GPHN: variants seen among roughly 807,000 people sequenced by gnomAD.
GPHN encodes the protein gephyrin.
In GPHN, 17 loss-of-function variants were observed where a neutral mutation model predicts 95.5. The observed-to-expected ratio is 0.18, with a 90% confidence interval of 0.12 to 0.27. The LOEUF is 0.27. Ranked by LOEUF, GPHN falls within the 10% of genes least tolerant of loss-of-function variation. GPHN has a pLI of 1.00. For synonymous variants in GPHN, 320 were observed against 322.5 expected (o/e 0.99, Z 0.08); for missense variants, 660 against 978.1 (o/e 0.67, Z 4.34).
intron 6 of GPHN, among the ~76,000 whole-genome samples, chr14:66,916,761 T>C (rs555401254): frequency 7.7e-4 from 117 of 152,304 alleles, no homozygotes; most frequent in African/African-American, 2.6e-3. Context: ...CTCCAACTAG[T>C]TAAGGGCAAC....
At chr14:67,298,246 T>G in the GPHN span, among the ~76,000 whole-genome samples, 6 of 152,054 alleles carry the variant, frequency 3.9e-5, no homozygotes, top group Non-Finnish European at 7.3e-5. Context: ...TTTTAGTAAT[T>G]TATTAGTATC....
the GPHN span, among the ~76,000 whole-genome samples, chr14:67,502,698 C>T: frequency 6.6e-6 from 1 of 151,998 alleles, no homozygotes; most frequent in South Asian, 2.1e-4. Context: ...GTGATCCACC[C>T]ACCATGGCCT....
chr14:66,692,430 A>G (rs1197391192), intron 2 of GPHN, among the ~76,000 whole-genome samples: 8 of 152,112 alleles, frequency 5.3e-5, no homozygotes, highest in Non-Finnish European at 4.4e-5. Context: ...ATGCTGAGTA[A>G]TTTGAAATTC....
At chr14:67,524,874 A>C in the GPHN span, among the ~76,000 whole-genome samples, 1 of 152,134 alleles carries the variant, frequency 6.6e-6, no homozygotes, top group South Asian at 2.1e-4. Flanking sequence ...CCATTGCCAT[A>C]TCTCTCCCCG....
intron 1 of GPHN, among the ~76,000 whole-genome samples, chr14:66,598,445 T>C (rs1201918597): frequency 6.6e-6 from 1 of 152,146 alleles, no homozygotes; most frequent in East Asian, 1.9e-4. Flanking sequence ...GCCCATAGTT[T>C]TATATTTAGT....
chr14:67,663,515 A>G, the GPHN span, among the ~76,000 whole-genome samples: 1 of 151,914 alleles, frequency 6.6e-6, no homozygotes, highest in African/African-American at 2.4e-5. Flanking sequence ...CTACTAAAAA[A>G]TACAAAAAAT....
At chr14:66,954,275 GTCTT>G (rs1026858838) in intron 8 of GPHN, among the ~76,000 whole-genome samples, 4 of 152,046 alleles carry the variant, frequency 2.6e-5, no homozygotes, top group Admixed American at 1.3e-4. Context: ...TAACACATAT[GTCTT>G]TCTATTTATT....
the GPHN span, among the ~76,000 whole-genome samples, chr14:67,418,132 A>G: frequency 6.6e-6 from 1 of 152,196 alleles, no homozygotes; most frequent in Non-Finnish European, 1.5e-5. Flanking sequence ...CTTAACATCT[A>G]CTATGTAATT....
chr14:66,957,940 A>C (rs117318980), intron 8 of GPHN, among the ~76,000 whole-genome samples: 1,833 of 152,310 alleles, frequency 0.012, 19 homozygotes, highest in Non-Finnish European at 0.018. Context: ...CTAATCCCTG[A>C]TGATCTGAGG....
chr14:67,175,157 C>T (rs1366164968), intron 21 of GPHN, among the ~76,000 whole-genome samples: 1 of 152,176 alleles, frequency 6.6e-6, no homozygotes, highest in Non-Finnish European at 1.5e-5. Flanking sequence ...TTGCCCATGC[C>T]TATGTCCTGA....
chr14:67,455,719 TAATA>T, the GPHN span, among the ~76,000 whole-genome samples: 1 of 152,216 alleles, frequency 6.6e-6, no homozygotes, highest in African/African-American at 2.4e-5. Context: ...TTACCATATA[TAATA>T]AATTGCTAAA....
At chr14:66,696,466 C>T (rs889550908) in intron 2 of GPHN, among the ~76,000 whole-genome samples, 1 of 152,168 alleles carries the variant, frequency 6.6e-6, no homozygotes, top group African/African-American at 2.4e-5. Context: ...GTGTGTGCCT[C>T]ATATATTTTA....
chr14:66,605,943 C>A (rs1412840684), intron 1 of GPHN, among the ~76,000 whole-genome samples: 2 of 152,054 alleles, frequency 1.3e-5, no homozygotes, highest in Non-Finnish European at 2.9e-5. Flanking sequence ...CTCCCATTCT[C>A]TAGGCTGTTT....
chr14:67,695,901 A>C, the GPHN span: 2 of 592,374 alleles, frequency 3.4e-6, no homozygotes, highest in African/African-American at 1.9e-5. Flanking sequence ...GTTGAATTAT[A>C]CATCGCTAAT....
chr14:66,977,217 G>A (rs1049348817), intron 9 of GPHN, among the ~76,000 whole-genome samples: 1 of 152,104 alleles, frequency 6.6e-6, no homozygotes, highest in Non-Finnish European at 1.5e-5. Context: ...GGATCACGAG[G>A]CCAGGAGATC....
chr14:67,120,298 G>T (rs2078949705), intron 16 of GPHN, among the ~76,000 whole-genome samples: 1 of 152,104 alleles, frequency 6.6e-6, no homozygotes, highest in Admixed American at 6.5e-5. Context: ...ATGACTGGAA[G>T]TATAACAGAA....
chr14:66,975,175 CAT>C (rs1230474674), intron 9 of GPHN, among the ~76,000 whole-genome samples: 2 of 152,166 alleles, frequency 1.3e-5, no homozygotes, highest in Non-Finnish European at 2.9e-5. Context: ...ATAGATGTGA[CAT>C]AGTTTTTTCA....
the GPHN span, among the ~76,000 whole-genome samples, chr14:67,530,704 A>G: frequency 1.3e-5 from 2 of 152,194 alleles, no homozygotes; most frequent in Non-Finnish European, 2.9e-5. Flanking sequence ...AGTTTTCAAA[A>G]CATGGAGTTG....
chr14:66,853,043 G>A (rs1316440873), intron 4 of GPHN, among the ~76,000 whole-genome samples: 1 of 152,120 alleles, frequency 6.6e-6, no homozygotes, highest in Admixed American at 6.5e-5. Context: ...CTCAGGGTCT[G>A]TCCTCCACAA....
Sources: allele counts gnomAD v4.1 joint callset (sites outside exome capture counted in the v4.1 genomes callset), GRCh38; gene constraint gnomAD v4.1.1; transcripts MANE v1.5; gene names NCBI Gene and HGNC (gene_info 2026-07-23, HGNC 2026-07-21).